The following CCDC39 variants were observed in gnomAD, a reference collection of about 807,000 sequenced individuals.
CCDC39 encodes coiled-coil domain-containing protein 39.
In CCDC39, 113 loss-of-function variants were observed where a neutral mutation model predicts 121.0. The ratio of observed to expected loss-of-function variants is 0.93; its 90% CI spans 0.80 to 1.09. The LOEUF (loss-of-function observed/expected upper bound fraction) is 1.09, where lower values mean the gene tolerates loss of function less well. CCDC39 is among the 50% of genes least tolerant of loss of function. The pLI, the probability that CCDC39 is intolerant of heterozygous loss-of-function variation, is 0.00. For missense variants in CCDC39, 1,063 were observed against 1,074.7 expected (o/e 0.99, Z 0.15); for synonymous variants, 349 against 352.2 (o/e 0.99, Z 0.10).
rs756708494 is a variant in CCDC39, at chr3:180,679,357, C to T, written c.24G>A (p.Glu8=). ...TGGCGAACCCATCCTCCCAGTGCAGCTCAGCCAGGAATTCGCTACTCATGA... is the reference window on the plus strand; with the variant it reads ...TGGCGAACCCATCCTCCCAGTGCAGTTCAGCCAGGAATTCGCTACTCATGA... MSSEFLA[E]LHWEDGFAIP... The change falls in exon 1 of 20, where the codon GAG becomes GAA. Residue 8 remains glutamate (E), a synonymous_variant. Coordinates refer to ENST00000476379, the MANE Select transcript of CCDC39 (RefSeq NM_181426.2). The surrounding 1 kb of genome is among the most constrained non-coding windows in gnomAD (Gnocchi z 4.0). 4 of 1,613,832 alleles carry T rather than the reference C, an allele frequency of 2.5e-6. No homozygotes were observed. Among genetic ancestry groups the T allele is most frequent in the Admixed American group, 1.7e-5 (1 of 60,004 alleles).
intron 6 of CCDC39, among the ~76,000 whole-genome samples, chr3:180,655,337 G>T (rs924553546): frequency 2.0e-5 from 3 of 151,700 alleles, no homozygotes; most frequent in African/African-American, 7.3e-5. Flanking sequence ...TTAGTGTTTT[G>T]AAAATAGCAT....
intron 13 of CCDC39, among the ~76,000 whole-genome samples, chr3:180,634,631 C>T (rs966749876): frequency 2.6e-5 from 4 of 152,088 alleles, no homozygotes; most frequent in Non-Finnish European, 5.9e-5. Flanking sequence ...AGCACCAAGC[C>T]GTGATCTACA....
chr3:180,672,628 T>C (rs1362664687), intron 1 of CCDC39, among the ~76,000 whole-genome samples: 1 of 152,102 alleles, frequency 6.6e-6, no homozygotes, highest in Admixed American at 6.6e-5. Flanking sequence ...TAACTGACAA[T>C]GCACCCGGTC....
At chr3:180,670,046 G>A (rs776066945) in intron 1 of CCDC39, among the ~76,000 whole-genome samples, 20 of 152,010 alleles carry the variant, frequency 1.3e-4, no homozygotes, top group East Asian at 7.7e-4. Flanking sequence ...CTGAATTAAC[G>A]AATCGATCGT....
At chr3:180,662,048 T>C in intron 2 of CCDC39, 41 bp from the exon 3 acceptor site, 2 of 1,500,900 alleles carry the variant, frequency 1.3e-6, no homozygotes, top group Non-Finnish European at 1.8e-6. Flanking sequence ...TTTAAAATTT[T>C]AGAAATTTTG....
chr3:180,618,394 CT>C (rs1717327936), intron 16 of CCDC39, among the ~76,000 whole-genome samples: 1 of 151,850 alleles, frequency 6.6e-6, no homozygotes, highest in Admixed American at 6.6e-5. Flanking sequence ...TGTTTAGCGC[CT>C]GCTTACAAGG....
intron 1 of CCDC39, among the ~76,000 whole-genome samples, chr3:180,672,092 G>A (rs1367802489): frequency 6.6e-6 from 1 of 152,132 alleles, no homozygotes; most frequent in African/African-American, 2.4e-5. Context: ...GACTCTTAGG[G>A]GCTAATGCAG....
chr3:180,630,109 G>T (rs528802633), intron 14 of CCDC39, among the ~76,000 whole-genome samples: 2 of 152,190 alleles, frequency 1.3e-5, no homozygotes, highest in East Asian at 3.9e-4. Context: ...GTCACCTACC[G>T]AAGCAGTGGT....
intron 16 of CCDC39, among the ~76,000 whole-genome samples, chr3:180,618,866 T>C (rs1228075322): frequency 1.3e-5 from 2 of 152,290 alleles, no homozygotes; most frequent in Middle Eastern, 3.4e-3. Flanking sequence ...ATGCACATTC[T>C]TTTATCTTTC....
At chr3:180,646,949 T>C (rs777854357) in intron 11 of CCDC39, 130 bp downstream of exon 11, 13 of 739,326 alleles carry the variant, frequency 1.8e-5, no homozygotes, top group Admixed American at 3.1e-5. Flanking sequence ...AATAAGAACA[T>C]TGTTCATACA....
chr3:180,631,403 G>C, intron 14 of CCDC39, 66 bp downstream of exon 14: 1 of 1,375,730 alleles, frequency 7.3e-7, no homozygotes, highest in Non-Finnish European at 1.0e-6. Flanking sequence ...AAATTCAGAG[G>C]ATTATGATGA....
rs766371259 is a variant in CCDC39, at chr3:180,616,597, G to A, written c.2505C>T (p.His835=). 2.5e-6 allele frequency: 4 copies of A among 1,600,476 alleles called. No homozygotes were observed. The highest frequency in any genetic ancestry group is 4.5e-5 in the East Asian group (2 of 44,646). Residue 835 remains histidine (H), a synonymous_variant, in exon 18 of 20, where the codon CAC becomes CAT. Coordinates refer to ENST00000476379, the MANE Select transcript of CCDC39 (RefSeq NM_181426.2). ...DIKLREMKQF[H]KVIDEMLVDI... ...CAACTAACATTTCATCAATAACTTT[G>A]TGAAACTGTTTCATTTCACGAAGTT...
In CCDC39 at chr3:180,668,553, T is replaced by G. The variant is rs528583157; in HGVS notation, c.91-4567A>C. Among the ~76,000 whole-genome samples the G allele has an allele frequency of 3.0e-4, 46 of 152,288 alleles. 1 individual carries two copies. In the East Asian group the frequency reaches 8.9e-3, roughly 29 times the overall value. ...ATTAGAGAGGCCGTCCCTGCCCACT[T>G]AATTCAATACAGTTTTTCCCAGTTA... On this transcript the variant is annotated intron_variant, in intron 1 of 19. Coordinates refer to ENST00000476379, the MANE Select transcript of CCDC39 (RefSeq NM_181426.2).
At chr3:180,634,027 A>G (rs552721972) in intron 13 of CCDC39, among the ~76,000 whole-genome samples, 1 of 152,188 alleles carries the variant, frequency 6.6e-6, no homozygotes, top group African/African-American at 2.4e-5. Flanking sequence ...CCTGAGGACT[A>G]TGCCTGAGCT....
chr3:180,639,915 C>T (rs1027797882), intron 13 of CCDC39, among the ~76,000 whole-genome samples: 3 of 152,004 alleles, frequency 2.0e-5, no homozygotes, highest in Non-Finnish European at 2.9e-5. Context: ...ATATACACAA[C>T]ATGGATGAAT....
rs1250466953 is a variant in CCDC39, at chr3:180,616,363, T to C, written c.2587A>G (p.Ser863Gly). The change falls in exon 19 of 20, where the codon AGT becomes GGT. Residue 863 changes from serine (S) to glycine (G), a missense_variant and splice_region_variant. Ser to Gly is a moderately conservative substitution (Grantham distance 56). Transcript: ENST00000476379. The part of the protein sequence containing the change: ...RIILQTYFQQ[S>G]GLELPTASTK... ...CTAGCTGTAGGTAGTTCTAACCCAC[T>C]CTGGAGGAATATTCAATAGCAATCA... 3 of 1,609,446 alleles carry C rather than the reference T, an allele frequency of 1.9e-6. No homozygotes were observed. The African/African-American group carries it at 4.0e-5, about 22-fold the overall frequency.
rs576805965 is a variant in CCDC39 at position 180,654,829 on chromosome 3, C to G, written c.863G>C (p.Arg288Pro). 1 of 1,610,256 alleles carries G rather than the reference C, an allele frequency of 6.2e-7. No homozygotes were observed. Residue 288 changes from arginine to proline, a missense_variant, in exon 7 of 20, where the codon CGT becomes CCT. Transcript: ENST00000476379. ...EFEKRISVAD[R>P]KLLKCRTAYQ... Reference sequence around the variant, plus strand: ...TGCCGTTCTACATTTTAAAAGTTTACGATCAGCCACAGAAATTCTTTTCTC... The same window carrying G: ...TGCCGTTCTACATTTTAAAAGTTTAGGATCAGCCACAGAAATTCTTTTCTC...
chr3:180,648,215 G>C lies in CCDC39; in HGVS notation c.1312C>G (p.Gln438Glu). ...TTCAAGGTTTCAAAATCCAGTTTTTGTAACTGATGGTTGAGATGTTTCAGA... is the reference window on the plus strand; with the variant it reads ...TTCAAGGTTTCAAAATCCAGTTTTTCTAACTGATGGTTGAGATGTTTCAGA... The part of the protein sequence containing the change: ...SSLKHLNHQL[Q>E]KLDFETLKQQ... Residue 438 changes from glutamine (Q) to glutamate (E), a missense_variant, in exon 10 of 20, where the codon CAA becomes GAA. Transcript: ENST00000476379. 6.2e-7 allele frequency: 1 copy of C among 1,613,392 alleles called. No homozygotes were observed. The highest frequency in any genetic ancestry group is 8.5e-7 in the Non-Finnish European group (1 of 1,179,576).
intron 1 of CCDC39, among the ~76,000 whole-genome samples, chr3:180,678,436 C>A (rs1050450287): frequency 6.6e-6 from 1 of 152,128 alleles, no homozygotes; most frequent in Non-Finnish European, 1.5e-5. Context: ...TATTCTTGGA[C>A]CTTCTTCTAC....
Sources: allele counts gnomAD v4.1 joint callset (sites outside exome capture counted in the v4.1 genomes callset), GRCh38; gene constraint gnomAD v4.1.1; non-coding constraint Gnocchi (gnomAD v3.1); transcripts MANE v1.5; gene names NCBI Gene and HGNC (gene_info 2026-07-23, HGNC 2026-07-21).